The following NXPE4 variants were observed in gnomAD, a reference collection of about 807,000 sequenced individuals.
The protein encoded by NXPE4 is NXPE family member 4.
A neutral mutation model predicts 33.3 loss-of-function variants in NXPE4; 42 were observed. The observed-to-expected ratio is 1.26, with a 90% CI of 0.98 to 1.63. NXPE4 has a LOEUF of 1.63. NXPE4 is among the 40% of genes most tolerant of loss of function. The pLI is 0.00. For synonymous variants in NXPE4, 253 were observed against 234.9 expected (o/e 1.08, Z -0.71); for missense variants, 709 against 647.6 (o/e 1.09, Z -1.03).
chr11:114,624,859 C>T, the NXPE4 span, among the ~76,000 whole-genome samples: 1 of 152,036 alleles, frequency 6.6e-6, no homozygotes, highest in Non-Finnish European at 1.5e-5. Context: ...ATAAGTACTG[C>T]CTCATGGGAA....
At chr11:114,647,936 G>A in the NXPE4 span, among the ~76,000 whole-genome samples, 2 of 152,082 alleles carry the variant, frequency 1.3e-5, no homozygotes, top group African/African-American at 2.4e-5. Context: ...TCCTGACCTC[G>A]TGATCCACCT....
the NXPE4 span, among the ~76,000 whole-genome samples, chr11:114,610,186 T>C: frequency 6.6e-6 from 1 of 151,916 alleles, no homozygotes. Flanking sequence ...TAATAAGTAT[T>C]GCCACGTGGG....
chr11:114,675,092 T>C, the NXPE4 span, among the ~76,000 whole-genome samples: 12 of 151,744 alleles, frequency 7.9e-5, no homozygotes, highest in Non-Finnish European at 1.6e-4. Flanking sequence ...TTTGACAATA[T>C]TCAATGTCTT....
the NXPE4 span, among the ~76,000 whole-genome samples, chr11:114,613,422 GATA>G: frequency 2.0e-5 from 3 of 151,808 alleles, no homozygotes; most frequent in South Asian, 4.1e-4. Context: ...TTACCTGGTG[GATA>G]ATAAGTGTTG....
the NXPE4 span, among the ~76,000 whole-genome samples, chr11:114,669,447 C>A: frequency 6.6e-6 from 1 of 152,040 alleles, no homozygotes; most frequent in African/African-American, 2.4e-5. Flanking sequence ...GTAAGATATC[C>A]CTTTTCATTC....
chr11:114,642,864 AT>A, the NXPE4 span, among the ~76,000 whole-genome samples: 1 of 152,036 alleles, frequency 6.6e-6, no homozygotes, highest in South Asian at 2.1e-4. Flanking sequence ...GGTTGAACTA[AT>A]TTACACTCTC....
chr11:114,632,664 T>G, the NXPE4 span, among the ~76,000 whole-genome samples: 1 of 84,388 alleles, frequency 1.2e-5, no homozygotes, highest in Non-Finnish European at 2.0e-5. Flanking sequence ...AATAAATATA[T>G]AGTATATATA....
chr11:114,571,125 T>G lies in NXPE4; in HGVS notation c.1448A>C (p.Asp483Ala). 1 of 1,613,978 alleles carries G rather than the reference T, an allele frequency of 6.2e-7. No individual in the cohort carries two copies. The highest frequency in any genetic ancestry group is 8.5e-7 in the Non-Finnish European group (1 of 1,179,906). ...ATGAAAGTCACTAAATCTTTCTGCA[T>G]CATTGTACATCTCCCTGATGTTTTC... ...KTENIREMYN[D>A]AERFSDFHGY... The change falls in exon 6 of 6, where the codon GAT becomes GCT. Residue 483 changes from aspartate to alanine, a missense_variant. By Grantham distance (126) the Asp-to-Ala change is moderately radical. Coordinates refer to ENST00000375478, the MANE Select transcript of NXPE4 (RefSeq NM_001077639.2).
At chr11:114,607,892 G>A in the NXPE4 span, among the ~76,000 whole-genome samples, 27 of 151,980 alleles carry the variant, frequency 1.8e-4, no homozygotes, top group Middle Eastern at 3.4e-3. Flanking sequence ...GTACTGCCTC[G>A]TGGGTAACCA....
chr11:114,628,312 C>G, the NXPE4 span, among the ~76,000 whole-genome samples: 1 of 151,728 alleles, frequency 6.6e-6, no homozygotes, highest in Non-Finnish European at 1.5e-5. Context: ...GAAATTATAA[C>G]AAACTGTCTC....
chr11:114,639,513 A>G, the NXPE4 span, among the ~76,000 whole-genome samples: 1 of 151,444 alleles, frequency 6.6e-6, no homozygotes, highest in African/African-American at 2.4e-5. Flanking sequence ...TAGTGAGATG[A>G]ACCTGGTACC....
chr11:114,650,206 C>T, the NXPE4 span, among the ~76,000 whole-genome samples: 2 of 152,224 alleles, frequency 1.3e-5, no homozygotes, highest in South Asian at 2.1e-4. Flanking sequence ...AATACACAAA[C>T]GATTTCATCT....
intron 5 of NXPE4, among the ~76,000 whole-genome samples, chr11:114,573,818 A>G (rs1363236628): frequency 1.3e-5 from 2 of 152,156 alleles, no homozygotes; most frequent in Non-Finnish European, 2.9e-5. Context: ...CAGAAAGTCA[A>G]CAAAGAAATA....
At chr11:114,621,516 C>T in the NXPE4 span, among the ~76,000 whole-genome samples, 2 of 152,034 alleles carry the variant, frequency 1.3e-5, no homozygotes, top group Non-Finnish European at 2.9e-5. Context: ...AGTATTGCCT[C>T]GTGTGTAACC....
the NXPE4 span, among the ~76,000 whole-genome samples, chr11:114,624,230 T>C: frequency 6.7e-6 from 1 of 149,228 alleles, no homozygotes; most frequent in Admixed American, 6.6e-5. Context: ...GACAGATGTT[T>C]CCTCTAGGGT....
the NXPE4 span, among the ~76,000 whole-genome samples, chr11:114,611,715 C>T: frequency 2.7e-5 from 4 of 150,800 alleles, no homozygotes; most frequent in African/African-American, 7.3e-5. Context: ...GTTAGTATTG[C>T]CTTGTGGGTC....
the NXPE4 span, among the ~76,000 whole-genome samples, chr11:114,638,809 G>C: frequency 6.6e-6 from 1 of 152,110 alleles, no homozygotes; most frequent in South Asian, 2.1e-4. Context: ...GCTGCTGTCT[G>C]ATTGTTCCTC....
chr11:114,620,783 G>T, the NXPE4 span, among the ~76,000 whole-genome samples: 6 of 151,988 alleles, frequency 3.9e-5, no homozygotes, highest in East Asian at 1.2e-3. Context: ...CTGTTACCTG[G>T]TGGATAATAA....
Position 114,582,733 on chromosome 11 carries a change from G to A in NXPE4, c.385C>T (p.Arg129Cys), listed in dbSNP as rs111330181. ...AAATCCCCGCCATATTGCTTCCTGCGTCCCAAGTGGTCCCTCACCTCCAGC... is the reference window on the plus strand; with the variant it reads ...AAATCCCCGCCATATTGCTTCCTGCATCCCAAGTGGTCCCTCACCTCCAGC... Reference protein sequence around the residue: ...ILLEVRDHLGRRKQYGGDFLR... With the variant: ...ILLEVRDHLGCRKQYGGDFLR... The change falls in exon 3 of 6, where the codon CGC (arginine) becomes TGC (cysteine). Residue 129 changes from arginine (R) to cysteine (C), a missense_variant. Arg to Cys is a radical substitution (Grantham distance 180, BLOSUM62 -3). Coordinates refer to ENST00000375478, the MANE Select transcript of NXPE4 (RefSeq NM_001077639.2). The A allele has an allele frequency of 1.6e-4, 260 of 1,614,106 alleles. No individual in the cohort carries two copies. Among genetic ancestry groups the A allele is most frequent in the South Asian group, 6.4e-4 (58 of 91,076 alleles).
Sources: gnomAD v4.1 joint callset for allele counts (sites outside exome capture counted in the v4.1 genomes callset) on GRCh38, gnomAD v4.1.1 for gene constraint, MANE v1.5 for transcripts, NCBI Gene and HGNC (gene_info 2026-07-23, HGNC 2026-07-21) for gene names.